Variants in MEIS1 observed in about 807,000 individuals in gnomAD.
MEIS1 encodes homeobox protein Meis1.
MEIS1 carries 5 observed loss-of-function variants against 50.8 expected under a neutral mutation model. That is an observed-to-expected ratio of 0.10 (90% CI 0.05 to 0.21). The LOEUF (loss-of-function observed/expected upper bound fraction) is 0.21, where lower values mean the gene tolerates loss of function less well. MEIS1 is among the 10% of genes least tolerant of loss of function. The probability of loss-of-function intolerance (pLI) is 1.00; values close to 1 mark genes in which losing one functional copy is unlikely to be tolerated. For missense variants in MEIS1, 318 were observed against 517.3 expected (o/e 0.61, Z 3.74); for synonymous variants, 176 against 179.3 (o/e 0.98, Z 0.15).
chr2:66,567,530 C>T lies in MEIS1; in HGVS notation c.1024+19C>T. The T allele has an allele frequency of 6.2e-7, 1 of 1,613,048 alleles. No individual in the cohort carries two copies. The highest frequency in any genetic ancestry group is 8.5e-7 in the Non-Finnish European group (1 of 1,179,394). ...CGAGCAGGCAAGTCCCCCATAGTGA[C>T]TGTATTCAAGTCACGCAAGCGAAAA... On this transcript the variant is annotated intron_variant, in intron 10 of 12. Transcript: ENST00000272369.
intron 7 of MEIS1, among the ~76,000 whole-genome samples, chr2:66,497,637 G>GT (rs1371614983): frequency 6.6e-6 from 1 of 152,202 alleles, no homozygotes; most frequent in Non-Finnish European, 1.5e-5. Flanking sequence ...GCTCATGCCT[G>GT]TAATTCCAGC....
chr2:66,443,835 C>T (rs1159427731), intron 6 of MEIS1: 1 of 152,602 alleles, frequency 6.6e-6, no homozygotes, highest in Non-Finnish European at 1.5e-5. Flanking sequence ...CTCGCACCGC[C>T]TTTGCTCTCA....
rs1227794548 is a variant in MEIS1, at chr2:66,435,587, G to T, written c.-270G>T. On this transcript the variant is annotated 5_prime_UTR_variant, in exon 1 of 13. Coordinates refer to ENST00000272369, the MANE Select transcript of MEIS1 (RefSeq NM_002398.3). ...TTTTTTTTTTAAACTGATTTTTGGG[G>T]GAGAGAAGATCTGCTTTTTTTTGCC... 6 of 403,828 alleles carry T rather than the reference G, an allele frequency of 1.5e-5. No individual in the cohort carries two copies. In the East Asian group the frequency reaches 2.1e-4, roughly 14 times the overall value. The allele number at this position is 403,828 out of a possible 1,614,324, so 25.0% of individuals were successfully genotyped here.
intron 8 of MEIS1, among the ~76,000 whole-genome samples, chr2:66,547,432 G>A (rs1247034584): frequency 6.6e-6 from 1 of 150,996 alleles, no homozygotes; most frequent in Non-Finnish European, 1.5e-5. Context: ...AATAGTGTAT[G>A]TGTGTGTGTG....
chr2:66,509,994 A>T (rs1370571542), intron 7 of MEIS1, among the ~76,000 whole-genome samples: 2 of 152,174 alleles, frequency 1.3e-5, no homozygotes, highest in African/African-American at 4.8e-5. Context: ...AAGGTGGAAA[A>T]TAATCATGGG....
At chr2:66,531,071 C>T (rs183197025) in intron 8 of MEIS1, among the ~76,000 whole-genome samples, 2 of 152,276 alleles carry the variant, frequency 1.3e-5, no homozygotes, top group Admixed American at 6.5e-5. Context: ...CAACTGTACA[C>T]GTTAACAGGT....
At chr2:66,463,670 G>A (rs1471890033) in intron 6 of MEIS1, among the ~76,000 whole-genome samples, 1 of 152,164 alleles carries the variant, frequency 6.6e-6, no homozygotes. Context: ...GGTCTTAAAA[G>A]CTCTGCCATG....
chr2:66,466,083 T>C (rs1216583403), intron 7 of MEIS1, among the ~76,000 whole-genome samples: 1 of 152,248 alleles, frequency 6.6e-6, no homozygotes, highest in Non-Finnish European at 1.5e-5. Flanking sequence ...TGATCTCAGC[T>C]GAATCATTTA....
At chr2:66,483,872 T>C (rs557901859) in intron 7 of MEIS1, among the ~76,000 whole-genome samples, 3 of 152,250 alleles carry the variant, frequency 2.0e-5, no homozygotes, top group African/African-American at 7.2e-5. Flanking sequence ...CAAGTTAGGA[T>C]GGGGAATATA....
At chr2:66,525,602 T>A (rs1674229822) in intron 8 of MEIS1, among the ~76,000 whole-genome samples, 1 of 152,268 alleles carries the variant, frequency 6.6e-6, no homozygotes, top group South Asian at 2.1e-4. Context: ...AAGAAGTTCC[T>A]TTTGAATATC....
chr2:66,456,631 A>G (rs1672395827), intron 6 of MEIS1, among the ~76,000 whole-genome samples: 2 of 152,242 alleles, frequency 1.3e-5, no homozygotes, highest in South Asian at 4.1e-4. Flanking sequence ...TTATCACAGC[A>G]TTAAAAAAGG....
chr2:66,547,996 C>A lies in MEIS1; in HGVS notation c.942C>A (p.Leu314=). ...AGCAGTTGGCACAAGACACGGGACTCACCATCCTTCAAGTGAACAATTGGT... is the reference window on the plus strand; with the variant it reads ...AGCAGTTGGCACAAGACACGGGACTAACCATCCTTCAAGTGAACAATTGGT... ...QKKQLAQDTG[L]TILQVNNWFI... Residue 314 remains leucine, a synonymous_variant, in exon 9 of 13, where the codon CTC becomes CTA. Transcript: ENST00000272369. The A allele has an allele frequency of 6.2e-7, 1 of 1,613,028 alleles. No homozygotes were observed.
At chr2:66,557,734 A>G (rs1431464122) in intron 9 of MEIS1, among the ~76,000 whole-genome samples, 8 of 152,154 alleles carry the variant, frequency 5.3e-5, no homozygotes, top group Admixed American at 2.6e-4. Context: ...GCGTTCATAT[A>G]CAAGTTTTGG....
intron 7 of MEIS1, among the ~76,000 whole-genome samples, chr2:66,491,114 T>A (rs1673262777): frequency 6.6e-6 from 1 of 151,788 alleles, no homozygotes; most frequent in Admixed American, 6.6e-5. Context: ...ACAGGCCTAG[T>A]CCAATGCAAC....
chr2:66,447,036 T>C (rs1672169303), intron 6 of MEIS1, among the ~76,000 whole-genome samples: 2 of 152,214 alleles, frequency 1.3e-5, no homozygotes, highest in South Asian at 4.1e-4. Flanking sequence ...AAGGGAGATT[T>C]AAGCTTTCTC....
intron 7 of MEIS1, chr2:66,509,167 C>G (rs1285409306): frequency 2.6e-6 from 1 of 380,560 alleles, no homozygotes; most frequent in East Asian, 8.4e-5. Flanking sequence ...TGAGACATTT[C>G]CAGATCAATT....
chr2:66,545,277 C>G (rs1674762986), intron 8 of MEIS1, among the ~76,000 whole-genome samples: 2 of 152,110 alleles, frequency 1.3e-5, no homozygotes, highest in Admixed American at 6.6e-5. Flanking sequence ...CAACTGTCAG[C>G]AAATAATTTT....
At chr2:66,464,075 C>A (rs1304614544) in intron 6 of MEIS1, 34 bp from the exon 7 acceptor site, 1 of 1,495,120 alleles carries the variant, frequency 6.7e-7, no homozygotes, top group South Asian at 1.2e-5. Flanking sequence ...TCACAGATGC[C>A]TCTTATTTGG....
chr2:66,548,045 A>G, intron 9 of MEIS1, 26 bp downstream of exon 9: 1 of 1,609,148 alleles, frequency 6.2e-7, no homozygotes, highest in Admixed American at 1.7e-5. Context: ...TTGTGTTTAC[A>G]CACAATCTGT....
Sources: gnomAD v4.1 joint callset for allele counts (sites outside exome capture counted in the v4.1 genomes callset) on GRCh38, gnomAD v4.1.1 for gene constraint, MANE v1.5 for transcripts, NCBI Gene and HGNC (gene_info 2026-07-23, HGNC 2026-07-21) for gene names.